SHISA6: variants seen among roughly 807,000 people sequenced by gnomAD.
SHISA6 encodes shisa family member 6.
In SHISA6, 22 loss-of-function variants were observed where a neutral mutation model predicts 47.9. That is an observed-to-expected ratio of 0.46 (90% CI 0.33 to 0.66). The LOEUF (loss-of-function observed/expected upper bound fraction) is 0.66, where lower values mean the gene tolerates loss of function less well. SHISA6 is among the 30% of genes least tolerant of loss of function. The pLI is 0.02. For missense variants in SHISA6, 680 were observed against 764.6 expected, an observed-to-expected ratio of 0.89 and a Z score of 1.30; for synonymous variants, 388 against 337.8, an observed-to-expected ratio of 1.15 and a Z score of -1.63.
At chr17:11,251,133 C>T (rs1721737585) in intron 1 of SHISA6, among the ~76,000 whole-genome samples, 1 of 152,124 alleles carries the variant, frequency 6.6e-6, no homozygotes, top group Non-Finnish European at 1.5e-5. Flanking sequence ...TGGGTCTCAC[C>T]TTCCTGAATG....
intron 1 of SHISA6, among the ~76,000 whole-genome samples, chr17:11,243,840 C>T (rs1907472438): frequency 6.6e-6 from 1 of 152,188 alleles, no homozygotes; most frequent in African/African-American, 2.4e-5. Flanking sequence ...GATTCCTACA[C>T]ATCTTTCTTT....
intron 2 of SHISA6, among the ~76,000 whole-genome samples, chr17:11,364,991 G>A (rs1912396915): frequency 6.6e-6 from 1 of 152,110 alleles, no homozygotes; most frequent in Non-Finnish European, 1.5e-5. Context: ...TATTCATGAG[G>A]TAAGTGAAGG....
At chr17:11,544,451 T>C (rs544917414) in intron 3 of SHISA6, among the ~76,000 whole-genome samples, 2 of 152,202 alleles carry the variant, frequency 1.3e-5, no homozygotes, top group South Asian at 4.1e-4. Flanking sequence ...AATGAAAAGA[T>C]GTCCAACATC....
chr17:11,532,374 G>A (rs1425121726), intron 3 of SHISA6, among the ~76,000 whole-genome samples: 2 of 152,216 alleles, frequency 1.3e-5, no homozygotes, highest in African/African-American at 2.4e-5. Context: ...TGAGCTCTGA[G>A]ACGTTGGTGC....
intron 3 of SHISA6, among the ~76,000 whole-genome samples, chr17:11,526,896 T>TATATATATATATATATATATATAC (rs2071688893): frequency 1.9e-4 from 3 of 16,142 alleles, no homozygotes; most frequent in African/African-American, 1.1e-3. Context: ...TATATATATA[T>TATATATATATATATATATATATAC]ATATATATAT....
chr17:11,451,510 T>C (rs1915402336), intron 3 of SHISA6, among the ~76,000 whole-genome samples: 1 of 152,138 alleles, frequency 6.6e-6, no homozygotes, highest in South Asian at 2.1e-4. Flanking sequence ...ATGTTAAATA[T>C]GATAGGTGGC....
intron 3 of SHISA6, among the ~76,000 whole-genome samples, chr17:11,480,110 T>G (rs1314302592): frequency 2.0e-5 from 3 of 152,214 alleles, no homozygotes; most frequent in Non-Finnish European, 4.4e-5. Flanking sequence ...GGTATTTCAC[T>G]TCACGCTCTT....
intron 3 of SHISA6, among the ~76,000 whole-genome samples, chr17:11,513,975 G>A (rs1298155305): frequency 6.6e-6 from 1 of 152,224 alleles, no homozygotes; most frequent in East Asian, 1.9e-4. Context: ...GGTGCTTCAT[G>A]AGTGGGAGAT....
intron 2 of SHISA6, among the ~76,000 whole-genome samples, chr17:11,351,967 A>T (rs1911906196): frequency 6.6e-6 from 1 of 152,232 alleles, no homozygotes; most frequent in African/African-American, 2.4e-5. Context: ...CATAGGTTTT[A>T]GGAGAAGGAT....
chr17:11,286,186 T>C (rs1286960942), intron 2 of SHISA6, among the ~76,000 whole-genome samples: 1 of 152,060 alleles, frequency 6.6e-6, no homozygotes, highest in Non-Finnish European at 1.5e-5. Flanking sequence ...CAGAGTGGCC[T>C]CACCCCTGCC....
chr17:11,384,968 C>A (rs1277128766), intron 3 of SHISA6, among the ~76,000 whole-genome samples: 1 of 152,202 alleles, frequency 6.6e-6, no homozygotes, highest in Non-Finnish European at 1.5e-5. Flanking sequence ...AATCACATTT[C>A]CTGAGCACTG....
intron 3 of SHISA6, among the ~76,000 whole-genome samples, chr17:11,479,137 A>G (rs1171028281): frequency 2.6e-5 from 4 of 152,044 alleles, no homozygotes; most frequent in Non-Finnish European, 5.9e-5. Flanking sequence ...ATCCAGGTCC[A>G]CTTTTAAATA....
At chr17:11,453,197 A>C (rs904480172) in intron 3 of SHISA6, among the ~76,000 whole-genome samples, 34 of 152,138 alleles carry the variant, frequency 2.2e-4, no homozygotes, top group Admixed American at 1.2e-3. Context: ...ACCTACAAAG[A>C]GATTATCATA....
At chr17:11,365,161 A>G (rs1255323574) in intron 2 of SHISA6, among the ~76,000 whole-genome samples, 1 of 152,214 alleles carries the variant, frequency 6.6e-6, no homozygotes, top group Non-Finnish European at 1.5e-5. Flanking sequence ...AATAACTATT[A>G]TAGCTACTGT....
At chr17:11,485,054 AT>A (rs569053903) in intron 3 of SHISA6, among the ~76,000 whole-genome samples, 116 of 152,298 alleles carry the variant, frequency 7.6e-4, no homozygotes, top group African/African-American at 2.6e-3. Flanking sequence ...CTTTTCAAAT[AT>A]CCCCCTAATT....
intron 2 of SHISA6, among the ~76,000 whole-genome samples, chr17:11,350,157 A>AATAT (rs1911822763): frequency 7.8e-6 from 1 of 128,384 alleles, no homozygotes; most frequent in East Asian, 2.3e-4. Context: ...ATGCCCGGCT[A>AATAT]ATTTATTTAT....
At chr17:11,499,683 C>CTTTTTTTTTTTTTTTTTT (rs372464937) in intron 3 of SHISA6, among the ~76,000 whole-genome samples, 6 of 127,564 alleles carry the variant, frequency 4.7e-5, no homozygotes, top group Admixed American at 7.9e-5. Flanking sequence ...CTTTTTCTTT[C>CTTTTTTTTTTTTTTTTTT]TTTTTTTTTT....
At chr17:11,444,046 C>T (rs911032653) in intron 3 of SHISA6, among the ~76,000 whole-genome samples, 12 of 152,100 alleles carry the variant, frequency 7.9e-5, no homozygotes, top group South Asian at 4.1e-4. Context: ...AGGCCAGGTG[C>T]GGTGGCTCAC....
chr17:11,480,212 T>G (rs577217953), intron 3 of SHISA6, among the ~76,000 whole-genome samples: 2 of 152,292 alleles, frequency 1.3e-5, no homozygotes, highest in East Asian at 3.9e-4. Flanking sequence ...CTTTCAAAAT[T>G]TTTTCTTTAT....
Sources: allele counts gnomAD v4.1 joint callset (sites outside exome capture counted in the v4.1 genomes callset), GRCh38; gene constraint gnomAD v4.1.1; transcripts MANE v1.5; gene names NCBI Gene and HGNC (gene_info 2026-07-23, HGNC 2026-07-21).